The following CATSPERD variants were observed in gnomAD, a reference collection of about 807,000 sequenced individuals.
CATSPERD encodes catsper channel auxiliary subunit delta, also known as cation channel sperm-associated auxiliary subunit delta.
CATSPERD carries 86 observed loss-of-function variants against 98.1 expected under a neutral mutation model. The observed-to-expected ratio is 0.88, with a 90% confidence interval of 0.74 to 1.05. CATSPERD has a LOEUF of 1.05. CATSPERD is among the 50% of genes least tolerant of loss of function. CATSPERD has a pLI of 0.00. For synonymous variants in CATSPERD, 394 were observed against 390.2 expected (o/e 1.01, Z -0.12); for missense variants, 995 against 1,005.7 (o/e 0.99, Z 0.14).
intron 7 of CATSPERD, among the ~76,000 whole-genome samples, chr19:5,743,417 G>A (rs1346415224): frequency 6.6e-6 from 1 of 151,994 alleles, no homozygotes; most frequent in Non-Finnish European, 1.5e-5. Flanking sequence ...GGCCAACATG[G>A]CGAAACCCCG....
At chr19:5,726,251 G>A (rs757540164) in intron 2 of CATSPERD, among the ~76,000 whole-genome samples, 2 of 151,408 alleles carry the variant, frequency 1.3e-5, no homozygotes, top group African/African-American at 2.4e-5. Flanking sequence ...TAGTAGAGAC[G>A]GGGTTTCACC....
At chr19:5,754,098 C>A in intron 12 of CATSPERD, 34 bp from the exon 13 acceptor site, 1 of 1,417,134 alleles carries the variant, frequency 7.1e-7, no homozygotes, top group Non-Finnish European at 1.0e-6. Context: ...GGAACAGGAG[C>A]ATGATTATCT....
At chr19:5,731,822 G>A (rs2055731371) in intron 4 of CATSPERD, among the ~76,000 whole-genome samples, 1 of 151,684 alleles carries the variant, frequency 6.6e-6, no homozygotes, top group Non-Finnish European at 1.5e-5. Flanking sequence ...TGATCCACCC[G>A]CCTCGGCCTC....
intron 20 of CATSPERD, among the ~76,000 whole-genome samples, chr19:5,774,170 G>T (rs895546484): frequency 6.6e-6 from 1 of 151,508 alleles, no homozygotes; most frequent in African/African-American, 2.4e-5. Flanking sequence ...GTTTCACCGT[G>T]TTGCCCAGGC....
rs73544802 is a variant in CATSPERD at position 5,754,828 on chromosome 19, C to G, written c.1278+583C>G. Among the ~76,000 whole-genome samples the G allele has an allele frequency of 5.0e-3, 761 of 150,710 alleles. 6 individuals carry two copies. Among genetic ancestry groups the G allele is most frequent in the African/African-American group, 0.017 (682 of 41,316 alleles). On this transcript the variant is annotated intron_variant, in intron 13 of 21. Coordinates refer to ENST00000381624, the MANE Select transcript of CATSPERD (RefSeq NM_152784.4). The stretch of plus-strand genomic sequence containing the variant: ...CCTCCATCCTTCTGAGCTGCCCATA[C>G]ATTCATTTTCTTCTTCTTCTTTTTT...
chr19:5,746,305 G>T (rs866062069), intron 9 of CATSPERD, among the ~76,000 whole-genome samples: 1 of 152,164 alleles, frequency 6.6e-6, no homozygotes, highest in African/African-American at 2.4e-5. Flanking sequence ...AATAAGTGAC[G>T]GTGACAAGAG....
chr19:5,775,316 C>T (rs879549083), intron 20 of CATSPERD: 2 of 470,602 alleles, frequency 4.2e-6, no homozygotes, highest in Non-Finnish European at 8.8e-6. Context: ...CCTCAAGCTT[C>T]CACAGACCTG....
At chr19:5,728,632 G>A (rs910083973) in intron 3 of CATSPERD, among the ~76,000 whole-genome samples, 2 of 151,752 alleles carry the variant, frequency 1.3e-5, no homozygotes, top group African/African-American at 4.8e-5. Context: ...GCTGAGGCAG[G>A]AGGATCACTT....
At chr19:5,727,379 T>G (rs1479342894) in intron 3 of CATSPERD, 35 bp downstream of exon 3, 1 of 1,392,094 alleles carries the variant, frequency 7.2e-7, no homozygotes, top group African/African-American at 1.5e-5. Flanking sequence ...TACCTTCCTT[T>G]TAAATTAAAT....
chr19:5,765,429 C>T (rs1027770581), intron 16 of CATSPERD, among the ~76,000 whole-genome samples: 10 of 151,410 alleles, frequency 6.6e-5, no homozygotes, highest in African/African-American at 2.2e-4. Context: ...TTCATTCATT[C>T]ATTCATTCAT....
intron 1 of CATSPERD, among the ~76,000 whole-genome samples, chr19:5,723,829 T>C (rs1352977680): frequency 6.7e-6 from 1 of 149,946 alleles, no homozygotes; most frequent in Non-Finnish European, 1.5e-5. Flanking sequence ...CGGGCTGGAG[T>C]GCAATGGTGC....
intron 4 of CATSPERD, among the ~76,000 whole-genome samples, chr19:5,731,162 A>G (rs2055709372): frequency 1.3e-5 from 2 of 151,990 alleles, no homozygotes; most frequent in South Asian, 4.1e-4. Context: ...TATTTGAGAA[A>G]TTATACCATC....
At chr19:5,745,514 G>A (rs1416971328) in intron 8 of CATSPERD, among the ~76,000 whole-genome samples, 1 of 151,996 alleles carries the variant, frequency 6.6e-6, no homozygotes, top group Non-Finnish European at 1.5e-5. Context: ...ACAGCTACTT[G>A]GGAGGCTGAG....
intron 12 of CATSPERD, chr19:5,753,634 C>A: frequency 2.6e-6 from 1 of 381,614 alleles, no homozygotes; most frequent in Non-Finnish European, 5.2e-6. Context: ...CTTTGGGAGG[C>A]CGAGATGGGA....
At chr19:5,724,926 C>A in intron 2 of CATSPERD, 64 bp downstream of exon 2, 1 of 1,479,524 alleles carries the variant, frequency 6.8e-7, no homozygotes, top group Non-Finnish European at 9.5e-7. Flanking sequence ...AGAGGTAACA[C>A]TTCCTGGTAT....
At chr19:5,767,514 G>A (rs1301823814) in intron 17 of CATSPERD, among the ~76,000 whole-genome samples, 1 of 150,534 alleles carries the variant, frequency 6.6e-6, no homozygotes, top group Non-Finnish European at 1.5e-5. Context: ...TTGAGACGGA[G>A]TCTTGCTCTG....
Position 5,727,259 on chromosome 19 carries a change from T to A in CATSPERD, c.127-9T>A. On this transcript the variant is annotated splice_polypyrimidine_tract_variant and intron_variant, in intron 2 of 21. Transcript: ENST00000381624. ...TGATATTATTAAGATTTTGTGATTATCTCTCTAGGACCGCCTGTATTTTCA... is the reference window on the plus strand; with the variant it reads ...TGATATTATTAAGATTTTGTGATTAACTCTCTAGGACCGCCTGTATTTTCA... 6.2e-7 allele frequency: 1 copy of A among 1,604,554 alleles called. No individual in the cohort carries two copies. Among genetic ancestry groups the A allele is most frequent in the Non-Finnish European group, 8.5e-7 (1 of 1,172,980 alleles).
In CATSPERD at chr19:5,776,181, C is replaced by A; in HGVS notation, c.1962C>A (p.Asp654Glu). The change falls in exon 21 of 22, where the codon GAC (aspartate) becomes GAA (glutamate). Residue 654 changes from aspartate (D) to glutamate (E), a missense_variant. This residue lies in a region of CATSPERD where 762 missense variants were observed against 773.7 expected (regional missense o/e 0.98). Transcript: ENST00000381624. Reference sequence around the variant, plus strand: ...CACAGAACTATGTGAGCTGCCACGACCCCAACAACAATGCCCCTTTGAGGT... The same window carrying A: ...CACAGAACTATGTGAGCTGCCACGAACCCAACAACAATGCCCCTTTGAGGT... ...WNRENYVSCHDPNNNAPLRWP... is the reference protein window; with the variant it reads ...WNRENYVSCHEPNNNAPLRWP... The A allele has an allele frequency of 6.2e-7, 1 of 1,614,216 alleles. No homozygotes were observed. Among genetic ancestry groups the A allele is most frequent in the Non-Finnish European group, 8.5e-7 (1 of 1,180,018 alleles).
chr19:5,743,696 CTCTCTCTCTCTGT>C (rs1267284122), intron 7 of CATSPERD, among the ~76,000 whole-genome samples: 1 of 144,324 alleles, frequency 6.9e-6, no homozygotes, highest in African/African-American at 2.6e-5. Flanking sequence ...CTCTCTCTCT[CTCTCTCTCTCTGT>C]CTCTGTCTCT....
Sources: allele counts gnomAD v4.1 joint callset (sites outside exome capture counted in the v4.1 genomes callset), GRCh38; gene constraint gnomAD v4.1.1; regional missense constraint gnomAD v4.1.1; transcripts MANE v1.5; gene names NCBI Gene and HGNC (gene_info 2026-07-23, HGNC 2026-07-21).